Variants in DENND1B observed in about 807,000 individuals in gnomAD.
DENND1B encodes the protein DENN domain containing 1B, also known as DENN domain-containing protein 1B.
In DENND1B, 59 loss-of-function variants were observed where a neutral mutation model predicts 90.1. The observed-to-expected ratio is 0.65, with a 90% CI of 0.53 to 0.81. DENND1B has a LOEUF of 0.81. Among genes scored for constraint, DENND1B ranks in the 40% least tolerant of loss-of-function variants. DENND1B has a pLI of 0.00. For synonymous variants in DENND1B, 337 were observed against 324.6 expected (o/e 1.04, Z -0.41); for missense variants, 862 against 912.6 (o/e 0.94, Z 0.71).
intron 2 of DENND1B, among the ~76,000 whole-genome samples, chr1:197,723,141 A>G (rs1306179524): frequency 6.6e-6 from 1 of 152,192 alleles, no homozygotes; most frequent in Non-Finnish European, 1.5e-5. Flanking sequence ...GGTAATGAAA[A>G]TGGAACTTCA....
chr1:197,617,393 T>C (rs1677751637), intron 11 of DENND1B, among the ~76,000 whole-genome samples: 1 of 151,114 alleles, frequency 6.6e-6, no homozygotes, highest in Non-Finnish European at 1.5e-5. Context: ...AAGACTGTTA[T>C]TTTTTTCTAT....
intron 15 of DENND1B, among the ~76,000 whole-genome samples, chr1:197,572,288 C>A (rs893349612): frequency 6.6e-6 from 1 of 152,144 alleles, no homozygotes; most frequent in African/African-American, 2.4e-5. Flanking sequence ...TCAGTGGGTC[C>A]CACGCCCACA....
chr1:197,547,357 C>T (rs2125673501), intron 16 of DENND1B, among the ~76,000 whole-genome samples: 1 of 152,020 alleles, frequency 6.6e-6, no homozygotes, highest in Middle Eastern at 3.4e-3. Context: ...TACTCTGTGG[C>T]TGTGGATTTT....
At chr1:197,520,431 TTAATACTGA>T (rs1399379993) in intron 20 of DENND1B, among the ~76,000 whole-genome samples, 4 of 151,982 alleles carry the variant, frequency 2.6e-5, no homozygotes, top group African/African-American at 7.2e-5. Context: ...TAAATGACCA[TTAATACTGA>T]TAAGTAGTGT....
chr1:197,671,906 G>GA, intron 5 of DENND1B, 131 bp downstream of exon 5: 2 of 970,238 alleles, frequency 2.1e-6, no homozygotes, highest in Non-Finnish European at 2.9e-6. Flanking sequence ...TCTGTATACA[G>GA]AAAATCAGGA....
intron 1 of DENND1B, among the ~76,000 whole-genome samples, chr1:197,773,554 A>T (rs550925571): frequency 4.5e-4 from 68 of 152,350 alleles, no homozygotes; most frequent in African/African-American, 1.4e-3. Context: ...TCATAGCTCT[A>T]AGGCTAGCAA....
intron 14 of DENND1B, among the ~76,000 whole-genome samples, chr1:197,593,818 G>T (rs1283484502): frequency 6.6e-6 from 1 of 151,968 alleles, no homozygotes; most frequent in East Asian, 1.9e-4. Flanking sequence ...CAAGTAAAGT[G>T]ATATTTTTAA....
intron 4 of DENND1B, among the ~76,000 whole-genome samples, chr1:197,673,797 C>T (rs1486019050): frequency 6.6e-6 from 1 of 152,006 alleles, no homozygotes; most frequent in African/African-American, 2.4e-5. Flanking sequence ...TTCTAAGACT[C>T]CAATCAAGGT....
chr1:197,641,598 G>T (rs2125916755), intron 10 of DENND1B, among the ~76,000 whole-genome samples: 1 of 152,034 alleles, frequency 6.6e-6, no homozygotes, highest in South Asian at 2.1e-4. Context: ...GTATTTTTGA[G>T]ATTTTCGTGA....
intron 2 of DENND1B, among the ~76,000 whole-genome samples, chr1:197,741,242 T>C (rs541594441): frequency 6.6e-6 from 1 of 152,262 alleles, no homozygotes; most frequent in South Asian, 2.1e-4. Context: ...GTAGTACTTC[T>C]GACATATCCC....
chr1:197,661,085 T>A (rs1009859009), intron 5 of DENND1B, among the ~76,000 whole-genome samples: 2 of 152,014 alleles, frequency 1.3e-5, no homozygotes. Context: ...ATGTGACACA[T>A]CTGTGACAGT....
intron 3 of DENND1B, among the ~76,000 whole-genome samples, chr1:197,702,105 T>C (rs1359450904): frequency 6.6e-6 from 1 of 152,174 alleles, no homozygotes. Context: ...CTGTTCTGAC[T>C]AACTTCTAGA....
chr1:197,606,724 C>G (rs929786042), intron 13 of DENND1B: 3 of 169,832 alleles, frequency 1.8e-5, no homozygotes, highest in South Asian at 3.3e-4. Flanking sequence ...CAAAAACTCT[C>G]TCATTCTTTT....
chr1:197,685,846 C>T (rs1657181647), intron 3 of DENND1B: 1 of 151,966 alleles, frequency 6.6e-6, no homozygotes, highest in Non-Finnish European at 1.5e-5. Flanking sequence ...CTTATACTAC[C>T]TTATCCATTA....
rs143622829 is a variant in DENND1B at position 197,584,011 on chromosome 1, A to G, written c.1048-758T>C. Among the ~76,000 whole-genome samples, 57 of 152,350 alleles carry G rather than the reference A, an allele frequency of 3.7e-4. No individual in the cohort carries two copies. The East Asian group carries it at 0.01, about 27-fold the overall frequency. ...TTTAGCCCATTCAACACAAACAAAGATAAGTGACTAAACTTTATGACAAAA... is the reference window on the plus strand; with the variant it reads ...TTTAGCCCATTCAACACAAACAAAGGTAAGTGACTAAACTTTATGACAAAA... On this transcript the variant is annotated intron_variant, in intron 14 of 22. Transcript: ENST00000620048.
chr1:197,775,496 C>T, upstream of DENND1B: 1 of 201,574 alleles, frequency 5.0e-6, no homozygotes. Flanking sequence ...AGGAAGTCGC[C>T]GGGAGGGGGA....
chr1:197,690,695 G>A (rs1657770629), intron 3 of DENND1B: 2 of 163,480 alleles, frequency 1.2e-5, no homozygotes, highest in Admixed American at 1.2e-4. Flanking sequence ...AGTCCCAGAA[G>A]TATTTGCCTG....
intron 2 of DENND1B, among the ~76,000 whole-genome samples, chr1:197,726,974 G>T (rs867529135): frequency 9.8e-5 from 15 of 152,290 alleles, no homozygotes; most frequent in Middle Eastern, 3.4e-3. Flanking sequence ...AGAATGAAAA[G>T]CAAATGAAAG....
intron 16 of DENND1B, among the ~76,000 whole-genome samples, chr1:197,549,570 T>C (rs1366264152): frequency 1.3e-5 from 2 of 152,114 alleles, no homozygotes; most frequent in African/African-American, 4.8e-5. Flanking sequence ...AAAAAAAGTA[T>C]TTAAAGAAAG....
Sources: allele counts gnomAD v4.1 joint callset (sites outside exome capture counted in the v4.1 genomes callset), GRCh38; gene constraint gnomAD v4.1.1; transcripts MANE v1.5; gene names NCBI Gene and HGNC (gene_info 2026-07-23, HGNC 2026-07-21).